STK32B: variants seen among roughly 807,000 people sequenced by gnomAD.
STK32B encodes the protein serine/threonine-protein kinase 32B.
STK32B carries 43 observed loss-of-function variants against 52.6 expected under a neutral mutation model. The ratio of observed to expected loss-of-function variants is 0.82; its 90% CI spans 0.64 to 1.05. STK32B has a LOEUF of 1.05. Among genes scored for constraint, STK32B ranks in the 50% least tolerant of loss-of-function variants. The probability of loss-of-function intolerance (pLI) is 0.00; values close to 1 mark genes in which losing one functional copy is unlikely to be tolerated. For missense variants in STK32B, 621 were observed against 534.6 expected, an observed-to-expected ratio of 1.16 and a Z score of -1.59; for synonymous variants, 238 against 204.3, an observed-to-expected ratio of 1.17 and a Z score of -1.41.
chr4:5,287,085 C>T (rs915380767), intron 3 of STK32B, among the ~76,000 whole-genome samples: 17 of 152,162 alleles, frequency 1.1e-4, no homozygotes, highest in African/African-American at 2.9e-4. Flanking sequence ...CATGAGCCAC[C>T]GCGCCCAGCC....
chr4:5,147,119 A>AG (rs1716972960), intron 2 of STK32B, among the ~76,000 whole-genome samples: 1 of 152,094 alleles, frequency 6.6e-6, no homozygotes, highest in South Asian at 2.1e-4. Context: ...TTTAGGGTAG[A>AG]GGCTTTGCCC....
chr4:5,490,945 T>C (rs1055011401), intron 11 of STK32B, among the ~76,000 whole-genome samples: 1 of 152,246 alleles, frequency 6.6e-6, no homozygotes, highest in Non-Finnish European at 1.5e-5. Flanking sequence ...GGTGTATATG[T>C]GACACATTTT....
chr4:5,166,546 C>G (rs1021751558), intron 2 of STK32B, among the ~76,000 whole-genome samples: 1 of 149,514 alleles, frequency 6.7e-6, no homozygotes, highest in African/African-American at 2.5e-5. Flanking sequence ...GACACAGAGA[C>G]GTAGGGGAGG....
intron 3 of STK32B, among the ~76,000 whole-genome samples, chr4:5,323,909 C>G (rs533705456): frequency 5.8e-4 from 88 of 152,328 alleles, no homozygotes; most frequent in African/African-American, 1.9e-3. Context: ...CATGGACTAT[C>G]TTGGCTCAGT....
chr4:5,060,251 C>G (rs1251083766), intron 1 of STK32B, among the ~76,000 whole-genome samples: 2 of 152,200 alleles, frequency 1.3e-5, no homozygotes, highest in Admixed American at 1.3e-4. Context: ...CAGGTGTGAG[C>G]CACTGTGCCC....
At position 5,497,171 on chromosome 4, in the gene STK32B, A is replaced by G. The variant is rs541542909; in HGVS notation, c.1107-1774A>G. Reference sequence around the variant, plus strand: ...CGCAGACTCTTTAAATAATCCCTGCAGTATTTGAACATGTTAGCAGCTGGA... The same window carrying G: ...CGCAGACTCTTTAAATAATCCCTGCGGTATTTGAACATGTTAGCAGCTGGA... On this transcript the variant is annotated intron_variant, in intron 11 of 11. Coordinates refer to ENST00000282908, the MANE Select transcript of STK32B (RefSeq NM_018401.3). Among the ~76,000 whole-genome samples the G allele has an allele frequency of 1.1e-3, 166 of 152,342 alleles. 1 individual carries two copies. The highest frequency in any genetic ancestry group is 3.8e-3 in the African/African-American group (158 of 41,576).
At chr4:5,038,684 G>A in the STK32B span, among the ~76,000 whole-genome samples, 8 of 152,234 alleles carry the variant, frequency 5.3e-5, no homozygotes, top group African/African-American at 1.9e-4. Flanking sequence ...ACTTGGATAG[G>A]GTACTTACAA....
At chr4:5,262,063 C>T (rs1015664315) in intron 3 of STK32B, among the ~76,000 whole-genome samples, 4 of 152,182 alleles carry the variant, frequency 2.6e-5, no homozygotes, top group African/African-American at 9.7e-5. Context: ...GATTCTCCGT[C>T]GTGCCTCCCT....
intron 1 of STK32B, among the ~76,000 whole-genome samples, chr4:5,064,179 G>A (rs555589551): frequency 2.0e-5 from 3 of 149,040 alleles, no homozygotes; most frequent in African/African-American, 7.4e-5. Context: ...CTTTCCTTGT[G>A]GTTTCCTTGT....
intron 5 of STK32B, among the ~76,000 whole-genome samples, chr4:5,402,356 T>C (rs1577449622): frequency 6.6e-6 from 1 of 152,018 alleles, no homozygotes; most frequent in Admixed American, 6.5e-5. Context: ...ACATGGGAGG[T>C]GGACTTCCCC....
intron 9 of STK32B, among the ~76,000 whole-genome samples, chr4:5,463,335 G>C (rs1677558545): frequency 6.6e-6 from 1 of 152,166 alleles, no homozygotes; most frequent in African/African-American, 2.4e-5. Context: ...ATGCCCTGGG[G>C]GGCATCTGGG....
chr4:5,207,360 A>C (rs1722637571), intron 3 of STK32B, among the ~76,000 whole-genome samples: 2 of 152,304 alleles, frequency 1.3e-5, no homozygotes, highest in South Asian at 4.1e-4. Flanking sequence ...CGTGATAGCG[A>C]ATAAGTTTCA....
intron 3 of STK32B, among the ~76,000 whole-genome samples, chr4:5,223,468 G>T (rs1366516676): frequency 1.3e-5 from 2 of 152,134 alleles, no homozygotes; most frequent in Non-Finnish European, 2.9e-5. Flanking sequence ...AAAGCTATGG[G>T]GGTGGGGTCC....
chr4:5,263,828 C>T (rs1201442361), intron 3 of STK32B, among the ~76,000 whole-genome samples: 2 of 152,124 alleles, frequency 1.3e-5, no homozygotes, highest in African/African-American at 2.4e-5. Context: ...CTTGTTAATC[C>T]CTATCACTAT....
chr4:5,173,147 G>A (rs767373286), intron 3 of STK32B, among the ~76,000 whole-genome samples: 2 of 152,144 alleles, frequency 1.3e-5, no homozygotes, highest in Non-Finnish European at 2.9e-5. Context: ...TGTGGGATCG[G>A]TGGTGATATC....
rs906764704 is a variant in STK32B, at chr4:5,378,510, C to A, written c.435-19697C>A. 4.6e-5 allele frequency among the ~76,000 whole-genome samples: 7 copies of A among 152,112 alleles called. No homozygotes were observed. Among genetic ancestry groups the A allele is most frequent in the African/African-American group, 1.7e-4 (7 of 41,398 alleles). On this transcript the variant is annotated intron_variant, in intron 4 of 11. Transcript: ENST00000282908. This position sits in a 1 kb window ranked among gnomAD's most constrained non-coding sequence, Gnocchi z 4.4. ...AACTTGTTTATTTCTAATTCCTATGCCCTTTATCTTTCTGTTTTCTTCTTT... is the reference window on the plus strand; with the variant it reads ...AACTTGTTTATTTCTAATTCCTATGACCTTTATCTTTCTGTTTTCTTCTTT...
At chr4:5,348,239 C>A (rs1257625177) in intron 4 of STK32B, among the ~76,000 whole-genome samples, 1 of 152,110 alleles carries the variant, frequency 6.6e-6, no homozygotes, top group Non-Finnish European at 1.5e-5. Context: ...CTTTCTGGCC[C>A]CTGAGACTAA....
intron 3 of STK32B, among the ~76,000 whole-genome samples, chr4:5,182,084 A>C (rs139708107): frequency 3.3e-5 from 5 of 152,346 alleles, no homozygotes; most frequent in African/African-American, 1.2e-4. Flanking sequence ...AGCAGCTTCC[A>C]TCTTCAGAAA....
intron 1 of STK32B, 119 bp downstream of exon 1, chr4:5,052,034 T>A: frequency 6.9e-7 from 1 of 1,444,260 alleles, no homozygotes. Context: ...GCATGGCCAC[T>A]TCGCCCAGCG....
Sources: gnomAD v4.1 joint callset for allele counts (sites outside exome capture counted in the v4.1 genomes callset) on GRCh38, gnomAD v4.1.1 for gene constraint, Gnocchi (gnomAD v3.1) non-coding constraint, MANE v1.5 for transcripts, NCBI Gene and HGNC (gene_info 2026-07-23, HGNC 2026-07-21) for gene names.